Variants in ZMIZ2 observed in about 807,000 individuals in gnomAD.
ZMIZ2 encodes the protein zinc finger MIZ-type containing 2.
In ZMIZ2, 26 loss-of-function variants were observed where a neutral mutation model predicts 93.9. That is an observed-to-expected ratio of 0.28 (90% CI 0.20 to 0.38). The LOEUF (loss-of-function observed/expected upper bound fraction) is 0.38. ZMIZ2 is among the 10% of genes least tolerant of loss of function. The probability of loss-of-function intolerance (pLI) is 1.00; values close to 1 mark genes in which losing one functional copy is unlikely to be tolerated. For synonymous variants in ZMIZ2, 485 were observed against 516.4 expected (o/e 0.94, Z 0.82); for missense variants, 1,023 against 1,235.0 (o/e 0.83, Z 2.57).
rs1320378063 is a variant in ZMIZ2 at position 44,761,355 on chromosome 7, G to T, written c.1241-94G>T. The T allele has an allele frequency of 6.5e-7, 1 of 1,540,402 alleles. No homozygotes were observed. The highest frequency in any genetic ancestry group is 1.2e-5 in the South Asian group (1 of 81,036). On this transcript the variant is annotated intron_variant, in intron 9 of 18. Coordinates refer to ENST00000309315, the MANE Select transcript of ZMIZ2 (RefSeq NM_031449.4). This position sits in a 1 kb window ranked among gnomAD's most constrained non-coding sequence, Gnocchi z 5.8. ...GGCTCCCTTCACCAAGGTCCCTGCG[G>T]GGAAGGTGGCTGGGGAGCCGCTGCC...
rs1456496701 is a variant in ZMIZ2, at chr7:44,765,383, A to G, written c.2046A>G (p.Pro682=). ...TCGACCCCACGTGCAGCTGGAAGCC[A>G]GTGCCCGTGAAGCCTGACATGCACA... The part of the protein sequence containing the change: ...ITIDPTCSWK[P]VPVKPDMHIK... The change falls in exon 16 of 19, where the codon CCA becomes CCG. Residue 682 remains proline, a synonymous_variant. Transcript: ENST00000309315. This position sits in a 1 kb window ranked among gnomAD's most constrained non-coding sequence, Gnocchi z 4.1. The G allele has an allele frequency of 8.7e-6, 14 of 1,613,318 alleles. No individual in the cohort carries two copies. Among genetic ancestry groups the G allele is most frequent in the African/African-American group, 5.3e-5 (4 of 74,932 alleles).
At position 44,765,810 on chromosome 7, in the gene ZMIZ2, C is replaced by T; in HGVS notation, c.2242+231C>T. On this transcript the variant is annotated intron_variant, in intron 16 of 18. Coordinates refer to ENST00000309315, the MANE Select transcript of ZMIZ2 (RefSeq NM_031449.4). This position sits in a 1 kb window ranked among gnomAD's most constrained non-coding sequence, Gnocchi z 4.1. ...CCCAGGAAACAGACAGTGGGGCCTC[C>T]ACCCTTCCTTCCCCGTTTGGATTAA... 4 of 1,014,872 alleles carry T rather than the reference C, an allele frequency of 3.9e-6. No individual in the cohort carries two copies. In the South Asian group the frequency reaches 7.0e-5, roughly 18 times the overall value. The allele number at this position is 1,014,872 out of a possible 1,614,324, so 62.9% of individuals were successfully genotyped here.
intron 1 of ZMIZ2, 50 bp downstream of exon 1, chr7:44,749,041 T>G (rs1490541548): frequency 1.3e-5 from 2 of 151,780 alleles, no homozygotes; most frequent in Non-Finnish European, 2.9e-5. Context: ...AGCAGGCAGG[T>G]GTGGGCCGGC....
In ZMIZ2 at chr7:44,756,262, A is replaced by C; in HGVS notation, c.13A>C (p.Asn5His). The stretch of plus-strand genomic sequence containing the variant: ...TGCTCCATTGCCAATGAACTCCATG[A>C]ACCCCATGAAACCTGCCCTGCCCCC... MNSM[N>H]PMKPALPPAP... is the part of the protein sequence containing the mutation. Residue 5 changes from asparagine to histidine, a missense_variant, in exon 2 of 19, where the codon AAC (asparagine) becomes CAC (histidine). Asn to His is a moderately conservative substitution (Grantham distance 68). Coordinates refer to ENST00000309315, the MANE Select transcript of ZMIZ2 (RefSeq NM_031449.4). 6.2e-7 allele frequency: 1 copy of C among 1,614,016 alleles called. No individual in the cohort carries two copies. Among genetic ancestry groups the C allele is most frequent in the Admixed American group, 1.7e-5 (1 of 60,032 alleles).
In ZMIZ2 at chr7:44,761,962, CCTGGCCCAGCGGTGCCGT is replaced by C. The variant is rs1562740532; in HGVS notation, c.1596+58_1596+75del. The C allele has an allele frequency of 7.2e-7, 1 of 1,382,030 alleles. No individual in the cohort carries two copies. Among genetic ancestry groups the C allele is most frequent in the Admixed American group, 2.2e-5 (1 of 46,338 alleles). 85.6% of individuals were successfully genotyped at this position (1,382,030 alleles called of 1,614,324 possible). A position where few individuals can be genotyped will look rare whatever the true frequency, so the allele number is the denominator to read the frequency against. ...TGGCGTGGGGCGGGGTGTGGTGGGG[CCTGGCCCAGCGGTGCCGT>C]GGGGTGGGGCGGGGTGTGGGCGGGG... On this transcript the variant is annotated intron_variant, in intron 11 of 18. Coordinates refer to ENST00000309315, the MANE Select transcript of ZMIZ2 (RefSeq NM_031449.4). This position sits in a 1 kb window ranked among gnomAD's most constrained non-coding sequence, Gnocchi z 5.8.
intron 1 of ZMIZ2, 35 bp from the exon 2 acceptor site, chr7:44,756,153 A>T (rs558409858): frequency 6.4e-7 from 1 of 1,567,740 alleles, no homozygotes; most frequent in African/African-American, 1.4e-5. Context: ...TCCTGGCTGC[A>T]TCGCAGCTAA....
Position 44,760,121 on chromosome 7 carries a change from C to T in ZMIZ2, c.994-30C>T, listed in dbSNP as rs778179628. The T allele has an allele frequency of 9.7e-5, 157 of 1,613,624 alleles. 2 individuals are homozygous for T. The Middle Eastern group carries it at 7.3e-3, about 75-fold the overall frequency. On this transcript the variant is annotated intron_variant, in intron 7 of 18. Coordinates refer to ENST00000309315, the MANE Select transcript of ZMIZ2 (RefSeq NM_031449.4). ...GGCCCGGCAGGGGTCAGGTTGGAGC[C>T]CCAGGTGCATGCAGTTTTCTCTCCC...
At chr7:44,750,255 G>A (rs1437883662) in intron 1 of ZMIZ2, among the ~76,000 whole-genome samples, 2 of 152,286 alleles carry the variant, frequency 1.3e-5, no homozygotes, top group Admixed American at 1.3e-4. Flanking sequence ...TCACTGAAAT[G>A]TCTCATGCCT....
At position 44,767,682 on chromosome 7, in the gene ZMIZ2, C is replaced by A; in HGVS notation, c.*59C>A. On this transcript the variant is annotated 3_prime_UTR_variant, in exon 19 of 19. Transcript: ENST00000309315. ...CTCACAGATGTCACCACAGCCCTGC[C>A]CTTCATGCCCAGCCCCATGGGACAC... The A allele has an allele frequency of 6.8e-7, 1 of 1,472,396 alleles. No homozygotes were observed. Among genetic ancestry groups the A allele is most frequent in the East Asian group, 2.3e-5 (1 of 44,094 alleles). 91.2% of individuals were successfully genotyped at this position (1,472,396 alleles called of 1,614,324 possible). A position where few individuals can be genotyped will look rare whatever the true frequency, so the allele number is the denominator to read the frequency against.
At chr7:44,753,771 A>G (rs1790357648) in intron 1 of ZMIZ2, among the ~76,000 whole-genome samples, 1 of 152,130 alleles carries the variant, frequency 6.6e-6, no homozygotes, top group African/African-American at 2.4e-5. Flanking sequence ...ATTTTCTCCT[A>G]TATATTTTCC....
At position 44,766,696 on chromosome 7, in the gene ZMIZ2, G is replaced by A; in HGVS notation, c.2655+33G>A. The A allele has an allele frequency of 6.2e-7, 1 of 1,608,080 alleles. No homozygotes were observed. The highest frequency in any genetic ancestry group is 8.5e-7 in the Non-Finnish European group (1 of 1,176,540). ...CCAGGCCCCATGCGGGGGAGTGCGT[G>A]GGAGCCAGGGCTAGAGGTGGTGTGT... is the stretch of plus-strand genomic sequence containing the variant. On this transcript the variant is annotated intron_variant, in intron 18 of 18. Transcript: ENST00000309315. This position sits in a 1 kb window ranked among gnomAD's most constrained non-coding sequence, Gnocchi z 4.4.
chr7:44,760,393 T>A lies in ZMIZ2; in HGVS notation c.1072-32T>A, dbSNP rs373035646. ...ACTCCACTCCCATCCACCCTGGCAA[T>A]CTGCCTTGACTGTTTGTGCTCAACC... is the stretch of plus-strand genomic sequence containing the variant. On this transcript the variant is annotated intron_variant, in intron 8 of 18. Coordinates refer to ENST00000309315, the MANE Select transcript of ZMIZ2 (RefSeq NM_031449.4). The A allele has an allele frequency of 3.7e-6, 6 of 1,608,420 alleles. No individual in the cohort carries two copies. In the African/African-American group the frequency reaches 6.7e-5, roughly 18 times the overall value.
Position 44,761,729 on chromosome 7 carries a change from C to G in ZMIZ2, c.1420C>G (p.His474Asp). 6.2e-7 allele frequency: 1 copy of G among 1,614,110 alleles called. No homozygotes were observed. Among genetic ancestry groups the G allele is most frequent in the Non-Finnish European group, 8.5e-7 (1 of 1,180,026 alleles). The change falls in exon 11 of 19, where the codon CAC (histidine) becomes GAC (aspartate). Residue 474 changes from histidine (H) to aspartate (D), a missense_variant. Transcript: ENST00000309315. The surrounding 1 kb of genome is among the most constrained non-coding windows in gnomAD (Gnocchi z 5.8). ...GGAGCTGCAATTCAAGTGCTACCAC[C>G]ACGAGGACCGGCAGATGAACACCAA... ...DLELQFKCYH[H>D]EDRQMNTNWP... is the part of the protein sequence containing the mutation.
chr7:44,757,286 C>T, intron 4 of ZMIZ2, 92 bp from the exon 5 acceptor site: 2 of 1,528,264 alleles, frequency 1.3e-6, no homozygotes, highest in South Asian at 1.2e-5. Context: ...AAAGAATGGG[C>T]TCCCCCTGGG....
At position 44,761,780 on chromosome 7, in the gene ZMIZ2, G is replaced by A. The variant is rs1362741781; in HGVS notation, c.1471G>A (p.Val491Ile). The change falls in exon 11 of 19, where the codon GTC becomes ATC. Residue 491 changes from valine (V) to isoleucine (I), a missense_variant. Val to Ile is a conservative substitution (Grantham distance 29). This residue lies in a region of ZMIZ2 where 656 missense variants were observed against 777.1 expected (regional missense o/e 0.84). Transcript: ENST00000309315. The surrounding 1 kb of genome is among the most constrained non-coding windows in gnomAD (Gnocchi z 5.8). ...TNWPASVQVS[V>I]NATPLTIERG... ...CTGGCCAGCCTCGGTGCAGGTCAGC[G>A]TCAATGCCACGCCGCTCACCATCGA... 6.2e-7 allele frequency: 1 copy of A among 1,613,690 alleles called. No homozygotes were observed. The highest frequency in any genetic ancestry group is 8.5e-7 in the Non-Finnish European group (1 of 1,179,956).
At chr7:44,759,587 C>A in intron 7 of ZMIZ2, 127 bp downstream of exon 7, 1 of 733,684 alleles carries the variant, frequency 1.4e-6, no homozygotes, top group Non-Finnish European at 1.9e-6. Context: ...TGTGTAGGTC[C>A]ATGTGTGCTC....
chr7:44,751,546 G>A (rs1382709916), intron 1 of ZMIZ2, among the ~76,000 whole-genome samples: 1 of 152,242 alleles, frequency 6.6e-6, no homozygotes, highest in South Asian at 2.1e-4. Context: ...TCTGTTCTTG[G>A]GACAGCAAAG....
chr7:44,753,522 AAGTG>A (rs1331850468), intron 1 of ZMIZ2, among the ~76,000 whole-genome samples: 3 of 152,186 alleles, frequency 2.0e-5, no homozygotes, highest in African/African-American at 7.2e-5. Context: ...CTGGGATTAT[AAGTG>A]TGAGCCACTG....
rs776088908 is a variant in ZMIZ2 at position 44,757,367 on chromosome 7, G to GACC, written c.369-11_369-10insACC. 3.1e-6 allele frequency: 5 copies of GACC among 1,596,718 alleles called. No individual in the cohort carries two copies. The South Asian group carries it at 5.5e-5, about 18-fold the overall frequency. ...CACGCAGAGAGCGTGGCAATCCTGT[G>GACC]TCTCCTGCAGGTATGCAGGCGGCCC... On this transcript the variant is annotated splice_polypyrimidine_tract_variant and intron_variant, in intron 4 of 18. Coordinates refer to ENST00000309315, the MANE Select transcript of ZMIZ2 (RefSeq NM_031449.4).
Sources: gnomAD v4.1 joint callset for allele counts (sites outside exome capture counted in the v4.1 genomes callset) on GRCh38, gnomAD v4.1.1 for gene constraint, gnomAD v4.1.1 regional missense constraint, Gnocchi (gnomAD v3.1) non-coding constraint, MANE v1.5 for transcripts, NCBI Gene and HGNC (gene_info 2026-07-23, HGNC 2026-07-21) for gene names.